Variants in ANK1 observed in about 807,000 individuals in gnomAD.
ANK1 encodes the protein ankyrin-1.
A neutral mutation model predicts 210.4 loss-of-function variants in ANK1; 51 were observed. The ratio of observed to expected loss-of-function variants is 0.24; its 90% CI spans 0.19 to 0.31. ANK1 has a LOEUF of 0.31. ANK1 is among the 10% of genes least tolerant of loss of function. ANK1 has a pLI of 1.00. For missense variants in ANK1, 2,051 were observed against 2,504.4 expected (o/e 0.82, Z 3.86); for synonymous variants, 967 against 1,025.9 (o/e 0.94, Z 1.10).
chr8:41,862,903 T>C (rs912535621), intron 1 of ANK1, among the ~76,000 whole-genome samples: 4 of 152,024 alleles, frequency 2.6e-5, no homozygotes, highest in Admixed American at 1.3e-4. Flanking sequence ...TCCCAGGTAT[T>C]CAGGAGGCTG....
intron 1 of ANK1, among the ~76,000 whole-genome samples, chr8:41,805,207 GTCTC>G (rs113165187): frequency 9.5e-5 from 13 of 137,038 alleles, no homozygotes; most frequent in East Asian, 4.2e-4. Flanking sequence ...CCCTCTTTTT[GTCTC>G]TCTCTCTCTC....
At position 41,696,383 on chromosome 8, in the gene ANK1, G is replaced by A; in HGVS notation, c.2940C>T (p.Pro980=). ...GLASRIIALG[P]TGAQFLSPVI... ...CTCACCTCAGGAACTGTGCCCCCGT[G>A]GGCCCCAGTGCTATGATCCTGCTGG... Residue 980 remains proline, a synonymous_variant, in exon 26 of 43, where the codon CCC becomes CCT. Coordinates refer to ENST00000289734, the MANE Select transcript of ANK1 (RefSeq NM_000037.4). 1 of 1,613,314 alleles carries A rather than the reference G, an allele frequency of 6.2e-7. No individual in the cohort carries two copies. The highest frequency in any genetic ancestry group is 8.5e-7 in the Non-Finnish European group (1 of 1,179,952).
intron 22 of ANK1, among the ~76,000 whole-genome samples, chr8:41,700,786 A>T (rs569999180): frequency 6.6e-6 from 1 of 152,286 alleles, no homozygotes; most frequent in Admixed American, 6.5e-5. Context: ...TTTTAGAGAC[A>T]GGGTCTTGCT....
chr8:41,689,952 G>A (rs1030964636), intron 33 of ANK1, among the ~76,000 whole-genome samples: 8 of 152,204 alleles, frequency 5.3e-5, no homozygotes, highest in East Asian at 3.8e-4. Context: ...GGTCCACAGC[G>A]TGAATGTGCC....
intron 1 of ANK1, among the ~76,000 whole-genome samples, chr8:41,791,437 C>T (rs567749487): frequency 2.7e-5 from 4 of 150,322 alleles, no homozygotes; most frequent in East Asian, 2.0e-4. Context: ...CTTTCTCTCT[C>T]TCTTTCTTTC....
In ANK1 at chr8:41,842,620, G is replaced by A. The variant is rs1332265991; in HGVS notation, c.126+53735C>T. Reference sequence around the variant, plus strand: ...TCTGTGAGATGGAGACTCTAAGAGCGCCTGCCTTGCGTCATTGTGGTGGAG... The same window carrying A: ...TCTGTGAGATGGAGACTCTAAGAGCACCTGCCTTGCGTCATTGTGGTGGAG... On this transcript the variant is annotated intron_variant, in intron 1 of 42. Transcript: ENST00000265709. Among the ~76,000 whole-genome samples the A allele has an allele frequency of 7.2e-5, 11 of 152,226 alleles. No individual in the cohort carries two copies. In the South Asian group the frequency reaches 8.3e-4, roughly 11 times the overall value.
chr8:41,841,559 A>T (rs1808903953), intron 1 of ANK1, among the ~76,000 whole-genome samples: 1 of 152,168 alleles, frequency 6.6e-6, no homozygotes, highest in Non-Finnish European at 1.5e-5. Context: ...AAAAGCAGAC[A>T]AACAAACAAA....
intron 16 of ANK1, among the ~76,000 whole-genome samples, chr8:41,713,487 C>A (rs1208803662): frequency 3.3e-5 from 5 of 152,248 alleles, no homozygotes; most frequent in African/African-American, 4.8e-5. Flanking sequence ...ACGGAACCTG[C>A]TGCTCTGAGC....
chr8:41,792,667 G>A (rs952793811), intron 1 of ANK1, among the ~76,000 whole-genome samples: 2 of 152,170 alleles, frequency 1.3e-5, no homozygotes, highest in Non-Finnish European at 2.9e-5. Flanking sequence ...GGGGAGGTGT[G>A]GAAAATGAGG....
At chr8:41,814,483 A>G (rs1803007506) in intron 1 of ANK1, among the ~76,000 whole-genome samples, 2 of 152,300 alleles carry the variant, frequency 1.3e-5, no homozygotes, top group African/African-American at 4.8e-5. Context: ...TCTGGAGATT[A>G]CTATGCAGTC....
chr8:41,750,659 C>A (rs1365055083), intron 2 of ANK1, among the ~76,000 whole-genome samples: 1 of 152,044 alleles, frequency 6.6e-6, no homozygotes, highest in African/African-American at 2.4e-5. Context: ...GAAAGCAAAG[C>A]CCTCTCCCCT....
intron 1 of ANK1, among the ~76,000 whole-genome samples, chr8:41,831,740 T>C (rs1356088386): frequency 6.6e-6 from 1 of 152,070 alleles, no homozygotes; most frequent in Non-Finnish European, 1.5e-5. Flanking sequence ...GTACCCAAAT[T>C]TGCAGAGCAG....
chr8:41,841,059 C>T (rs529684070), intron 1 of ANK1, among the ~76,000 whole-genome samples: 4 of 152,132 alleles, frequency 2.6e-5, no homozygotes, highest in South Asian at 2.1e-4. Flanking sequence ...GAGTATTCAT[C>T]GAAAGAACAA....
At chr8:41,811,590 C>A (rs1802509948) in intron 1 of ANK1, among the ~76,000 whole-genome samples, 1 of 152,188 alleles carries the variant, frequency 6.6e-6, no homozygotes, top group Non-Finnish European at 1.5e-5. Flanking sequence ...CCCTCCCTGG[C>A]TCAGACTGCC....
chr8:41,661,496 C>T lies in ANK1; in HGVS notation c.5613G>A (p.Lys1871=). ...IEGRKGAQIV[K]RASLKRGKQ is the part of the protein sequence containing the mutation. ...GTTTCCCCCTTTTCAGGCTGGCCCG[C>T]TTCACTATCTGCGCCCCCTTCCTGC... The change falls in exon 42 of 43, where the codon AAG becomes AAA. Residue 1871 remains lysine, a synonymous_variant. Coordinates refer to ENST00000289734, the MANE Select transcript of ANK1 (RefSeq NM_000037.4). 1.2e-6 allele frequency: 2 copies of T among 1,614,120 alleles called. No homozygotes were observed. The highest frequency in any genetic ancestry group is 1.7e-6 in the Non-Finnish European group (2 of 1,180,032).
At chr8:41,891,711 T>C (rs1237261097) in intron 1 of ANK1, among the ~76,000 whole-genome samples, 1 of 152,114 alleles carries the variant, frequency 6.6e-6, no homozygotes, top group South Asian at 2.1e-4. Flanking sequence ...AATTCCCACA[T>C]CTTCAGCCCC....
At chr8:41,692,498 G>A in intron 31 of ANK1, 150 bp downstream of exon 31, 1 of 778,028 alleles carries the variant, frequency 1.3e-6, no homozygotes, top group South Asian at 1.6e-5. Flanking sequence ...GCTTCTCTAA[G>A]ATGCTTCTCA....
intron 1 of ANK1, among the ~76,000 whole-genome samples, chr8:41,878,066 G>A (rs532323854): frequency 6.6e-6 from 1 of 152,330 alleles, no homozygotes; most frequent in South Asian, 2.1e-4. Context: ...TGAACATTCT[G>A]GAAGGCGGCA....
intron 1 of ANK1, among the ~76,000 whole-genome samples, chr8:41,876,295 C>T (rs1032694239): frequency 6.6e-6 from 1 of 152,210 alleles, no homozygotes; most frequent in South Asian, 2.1e-4. Flanking sequence ...TCGTCTCTCT[C>T]CCGGTCGCGC....
Sources: gnomAD v4.1 joint callset for allele counts (sites outside exome capture counted in the v4.1 genomes callset) on GRCh38, gnomAD v4.1.1 for gene constraint, MANE v1.5 for transcripts, NCBI Gene and HGNC (gene_info 2026-07-23, HGNC 2026-07-21) for gene names.